Variants in ASPM observed in about 807,000 individuals in gnomAD.
ASPM encodes assembly factor for spindle microtubules, also known as abnormal spindle-like microcephaly-associated protein.
ASPM carries 256 observed loss-of-function variants against 366.4 expected under a neutral mutation model. The observed-to-expected ratio is 0.70, with a 90% CI of 0.63 to 0.77. The LOEUF is 0.77. ASPM is among the 30% of genes least tolerant of loss of function. The pLI, the probability that ASPM is intolerant of heterozygous loss-of-function variation, is 0.00. For missense variants in ASPM, 4,146 were observed against 4,090.4 expected, an observed-to-expected ratio of 1.01 and a Z score of -0.37; for synonymous variants, 1,414 against 1,342.9, an observed-to-expected ratio of 1.05 and a Z score of -1.16.
chr1:197,103,858 A>G lies in ASPM; in HGVS notation c.5393T>C (p.Phe1798Ser), dbSNP rs761878843. 1 of 1,612,956 alleles carries G rather than the reference A, an allele frequency of 6.2e-7. No homozygotes were observed. The highest frequency in any genetic ancestry group is 2.2e-5 in the East Asian group (1 of 44,826). The change falls in exon 18 of 28, where the codon TTC becomes TCC. Residue 1798 changes from phenylalanine (F) to serine (S), a missense_variant. Phe to Ser is a radical substitution (Grantham distance 155, BLOSUM62 -2). Transcript: ENST00000367409. ...AGTAGCTGCTTTTTTGACTTGCAAG[A>G]AGTTCTTCCTCTGATTGACCTGTGC... ...YKAQVNQRKN[F>S]LQVKKAATCL...
chr1:197,102,454 G>A lies in ASPM; in HGVS notation c.6797C>T (p.Ala2266Val). 6.2e-7 allele frequency: 1 copy of A among 1,612,414 alleles called. No homozygotes were observed. Among genetic ancestry groups the A allele is most frequent in the Non-Finnish European group, 8.5e-7 (1 of 1,179,128 alleles). ...RRHLKMMHIA[A>V]TLIQRRFRTL... ...TCTAAATCTCCTCTGAATGAGAGTT[G>A]CGGCTATATGCATCATTTTTAAATG... Residue 2266 changes from alanine (A) to valine (V), a missense_variant, in exon 18 of 28, where the codon GCA becomes GTA. This residue lies in a region of ASPM where 3,624 missense variants were observed against 3,591.7 expected (regional missense o/e 1.01). Transcript: ENST00000367409.
rs140119849 is a variant in ASPM, at chr1:197,091,968, T to C, written c.9383A>G (p.Tyr3128Cys). ...ATTCTTCACAGCCAGGTAAAGTTTA[T>C]AGGCTCTTTGAATTCTAACAGCATT... ...HLNAVRIQRA[Y>C]KLYLAVKNAN... Residue 3128 changes from tyrosine to cysteine, a missense_variant, in exon 22 of 28, where the codon TAT becomes TGT. Tyr to Cys is a radical substitution (Grantham distance 194, BLOSUM62 -2). This residue lies in a region of ASPM where 3,624 missense variants were observed against 3,591.7 expected (regional missense o/e 1.01). Coordinates refer to ENST00000367409, the MANE Select transcript of ASPM (RefSeq NM_018136.5). The C allele has an allele frequency of 3.2e-5, 52 of 1,611,758 alleles. No individual in the cohort carries two copies. Among genetic ancestry groups the C allele is most frequent in the Non-Finnish European group, 4.0e-5 (47 of 1,178,866 alleles).
intron 1 of ASPM, 127 bp from the exon 2 acceptor site, chr1:197,144,227 T>G: frequency 6.2e-6 from 4 of 641,202 alleles, no homozygotes; most frequent in Non-Finnish European, 1.0e-5. Flanking sequence ...ACTAAACATT[T>G]AATAAATCAA....
At chr1:197,098,292 C>T (rs536248140) in intron 18 of ASPM, among the ~76,000 whole-genome samples, 12 of 151,490 alleles carry the variant, frequency 7.9e-5, no homozygotes, top group African/African-American at 2.9e-4. Context: ...ATTAGAGTCA[C>T]CTGGGAGCTT....
chr1:197,104,113 C>T lies in ASPM; in HGVS notation c.5138G>A (p.Arg1713His), dbSNP rs141297873. 8.3e-5 allele frequency: 134 copies of T among 1,612,748 alleles called. No homozygotes were observed. In the Admixed American group the frequency reaches 8.9e-4, roughly 11 times the overall value. The part of the protein sequence containing the change: ...AAALFIQQCY[R>H]SKKIAAQKRE... Reference sequence around the variant, plus strand: ...CTTTTGTGCAGCTATTTTTTTGGAACGGTAACATTGCTGGATAAATAGTGC... The same window carrying T: ...CTTTTGTGCAGCTATTTTTTTGGAATGGTAACATTGCTGGATAAATAGTGC... Residue 1713 changes from arginine (R) to histidine (H), a missense_variant, in exon 18 of 28, where the codon CGT becomes CAT. Physicochemically the swap from Arg to His is conservative, Grantham distance 29. Coordinates refer to ENST00000367409, the MANE Select transcript of ASPM (RefSeq NM_018136.5).
chr1:197,114,351 T>G (rs1657681123), intron 17 of ASPM, among the ~76,000 whole-genome samples: 1 of 152,160 alleles, frequency 6.6e-6, no homozygotes, highest in African/African-American at 2.4e-5. Flanking sequence ...ATCAGAATGG[T>G]AGTTATTGTA....
chr1:197,126,394 C>T (rs969789473), intron 10 of ASPM, among the ~76,000 whole-genome samples: 1 of 135,050 alleles, frequency 7.4e-6, no homozygotes, highest in Admixed American at 8.3e-5. Flanking sequence ...GAGCCGAGAT[C>T]GTGCCACTGC....
Position 197,086,833 on chromosome 1 carries a change from T to A in ASPM, c.10301A>T (p.Glu3434Val). ...AACTATTCTGGTCCTTACAGGTGTT[T>A]CTGGGATAAAAGGAATGCTTATAGA... ...NSSISIPFIP[E>V]TPVRTRIVSR... Residue 3434 changes from glutamate (E) to valine (V), a missense_variant, in exon 27 of 28, where the codon GAA (glutamate) becomes GTA (valine). Physicochemically the swap from Glu to Val is moderately radical, Grantham distance 121 (BLOSUM62 -2). This residue lies in a region of ASPM where 3,624 missense variants were observed against 3,591.7 expected (regional missense o/e 1.01). Coordinates refer to ENST00000367409, the MANE Select transcript of ASPM (RefSeq NM_018136.5). 1 of 1,611,214 alleles carries A rather than the reference T, an allele frequency of 6.2e-7. No homozygotes were observed. The highest frequency in any genetic ancestry group is 1.1e-5 in the South Asian group (1 of 91,026).
rs372574057 is a variant in ASPM at position 197,086,941 on chromosome 1, C to T, written c.10193G>A (p.Arg3398His). ...DVRSRSKVVD[R>H]IYSLYKLTAH... ...TGTAAGTTTGTAGAGACTGTAAATACGGTCAACAACTTTGGACCTACTTCG... is the reference window on the plus strand; with the variant it reads ...TGTAAGTTTGTAGAGACTGTAAATATGGTCAACAACTTTGGACCTACTTCG... The change falls in exon 27 of 28, where the codon CGT becomes CAT. Residue 3398 changes from arginine (R) to histidine (H), a missense_variant. Around this residue, in one of 3 missense-constraint regions of ASPM, gnomAD observed 3,624 missense variants for 3,591.7 expected, o/e 1.01. Transcript: ENST00000367409. The T allele has an allele frequency of 6.3e-5, 101 of 1,610,092 alleles. No homozygotes were observed. The highest frequency in any genetic ancestry group is 2.0e-4 in the Middle Eastern group (1 of 4,904).
chr1:197,090,399 TAAAAC>T lies in ASPM; in HGVS notation c.9637-16_9637-12del. On this transcript the variant is annotated splice_polypyrimidine_tract_variant and intron_variant, in intron 23 of 27. Coordinates refer to ENST00000367409, the MANE Select transcript of ASPM (RefSeq NM_018136.5). The stretch of plus-strand genomic sequence containing the variant: ...GCCTCTCCATAATGCCTTAAAGAGA[TAAAAC>T]AGAGTAATTTTAAGATTATAGCCAA... 1.3e-6 allele frequency: 2 copies of T among 1,574,654 alleles called. No individual in the cohort carries two copies. Among genetic ancestry groups the T allele is most frequent in the Non-Finnish European group, 1.7e-6 (2 of 1,150,680 alleles).
chr1:197,117,673 G>A, intron 17 of ASPM, 116 bp downstream of exon 17: 3 of 893,350 alleles, frequency 3.4e-6, no homozygotes, highest in Non-Finnish European at 5.2e-6. Flanking sequence ...GTTAAATTAA[G>A]TATTAGATAA....
chr1:197,088,104 A>G, intron 26 of ASPM, 152 bp downstream of exon 26: 1 of 739,056 alleles, frequency 1.4e-6, no homozygotes. Flanking sequence ...TCATAGATAC[A>G]TCCTGAATTC....
Position 197,090,351 on chromosome 1 carries a change from T to C in ASPM, c.9674A>G (p.Asp3225Gly). The part of the protein sequence containing the change: ...WRGYSWRKKN[D>G]CTKIKAIRLS... ...TCGTATAGCTTTAATTTTTGTACAA[T>C]CATTTTTCTTCCTCCAAGAATAGCC... The change falls in exon 24 of 28, where the codon GAT (aspartate) becomes GGT (glycine). Residue 3225 changes from aspartate to glycine, a missense_variant. Around this residue, in one of 3 missense-constraint regions of ASPM, gnomAD observed 3,624 missense variants for 3,591.7 expected, o/e 1.01. Transcript: ENST00000367409. 1.2e-6 allele frequency: 2 copies of C among 1,611,946 alleles called. No homozygotes were observed. Among genetic ancestry groups the C allele is most frequent in the Non-Finnish European group, 8.5e-7 (1 of 1,178,804 alleles).
Position 197,104,243 on chromosome 1 carries a change from C to T in ASPM, c.5008G>A (p.Val1670Ile), listed in dbSNP as rs765920262. 1 of 1,612,756 alleles carries T rather than the reference C, an allele frequency of 6.2e-7. No individual in the cohort carries two copies. Among genetic ancestry groups the T allele is most frequent in the East Asian group, 2.2e-5 (1 of 44,780 alleles). The change falls in exon 18 of 28, where the codon GTT (valine) becomes ATT (isoleucine). Residue 1670 changes from valine (V) to isoleucine (I), a missense_variant. Around this residue, in one of 3 missense-constraint regions of ASPM, gnomAD observed 3,624 missense variants for 3,591.7 expected, o/e 1.01. Coordinates refer to ENST00000367409, the MANE Select transcript of ASPM (RefSeq NM_018136.5). ...IKIQSYYRAY[V>I]SKKEFLSLKN... ...AGGCTCAAAAATTCCTTTTTAGAAACATAAGCACGATAATATGATTGAATC... is the reference window on the plus strand; with the variant it reads ...AGGCTCAAAAATTCCTTTTTAGAAATATAAGCACGATAATATGATTGAATC...
chr1:197,133,645 AT>A, intron 5 of ASPM, 50 bp from the exon 6 acceptor site: 1 of 1,580,990 alleles, frequency 6.3e-7, no homozygotes, highest in Non-Finnish European at 8.7e-7. Context: ...ATATCTCTAC[AT>A]ATTCTTAAAT....
chr1:197,084,517 C>T, intron 27 of ASPM, 91 bp from the exon 28 acceptor site: 1 of 804,482 alleles, frequency 1.2e-6, no homozygotes, highest in Non-Finnish European at 2.1e-6. Context: ...ATTGTAGCTA[C>T]TCCTGAACAC....
At chr1:197,112,459 G>T (rs1657618090) in intron 17 of ASPM, among the ~76,000 whole-genome samples, 1 of 152,054 alleles carries the variant, frequency 6.6e-6, no homozygotes, top group East Asian at 1.9e-4. Flanking sequence ...AAACCCCCAT[G>T]ACACAAGTCT....
intron 17 of ASPM, among the ~76,000 whole-genome samples, chr1:197,113,065 A>T (rs571233227): frequency 6.6e-6 from 1 of 152,178 alleles, no homozygotes; most frequent in African/African-American, 2.4e-5. Flanking sequence ...CCTTTGCAGT[A>T]ATGTGCATTT....
At chr1:197,099,152 C>CTATT (rs1313454774) in intron 18 of ASPM, among the ~76,000 whole-genome samples, 1 of 151,590 alleles carries the variant, frequency 6.6e-6, no homozygotes, top group Non-Finnish European at 1.5e-5. Flanking sequence ...GGCTTACTGC[C>CTATT]TATTTTCATT....
Sources: allele counts gnomAD v4.1 joint callset (sites outside exome capture counted in the v4.1 genomes callset), GRCh38; gene constraint gnomAD v4.1.1; regional missense constraint gnomAD v4.1.1; transcripts MANE v1.5; gene names NCBI Gene and HGNC (gene_info 2026-07-23, HGNC 2026-07-21).